The following TMCC2 variants were observed in gnomAD, a reference collection of about 807,000 sequenced individuals.
The protein encoded by TMCC2 is transmembrane and coiled-coil domains protein 2.
In TMCC2, 16 loss-of-function variants were observed where a neutral mutation model predicts 49.4. The observed-to-expected ratio is 0.32, with a 90% CI of 0.22 to 0.49. The LOEUF (loss-of-function observed/expected upper bound fraction) is 0.49. Among genes scored for constraint, TMCC2 ranks in the 20% least tolerant of loss-of-function variants. The pLI is 0.99. For missense variants in TMCC2, 762 were observed against 989.8 expected (o/e 0.77, Z 3.09); for synonymous variants, 397 against 434.1 (o/e 0.91, Z 1.06).
At chr1:205,258,258 C>A (rs887097219) in intron 2 of TMCC2, among the ~76,000 whole-genome samples, 1 of 151,988 alleles carries the variant, frequency 6.6e-6, no homozygotes, top group South Asian at 2.1e-4. Context: ...CCTGAAATCC[C>A]CTTGTAGTAG....
At chr1:205,244,722 AG>A (rs2102550914) in intron 2 of TMCC2, among the ~76,000 whole-genome samples, 1 of 152,262 alleles carries the variant, frequency 6.6e-6, no homozygotes, top group East Asian at 1.9e-4. Flanking sequence ...AGGGTGACAA[AG>A]GAGTTGGGGG....
At chr1:205,266,029 C>A (rs1661309251) in intron 2 of TMCC2, among the ~76,000 whole-genome samples, 1 of 138,114 alleles carries the variant, frequency 7.2e-6, no homozygotes, top group Non-Finnish European at 1.6e-5. Flanking sequence ...ATCATGAGGT[C>A]AGGAGATCGC....
intron 2 of TMCC2, among the ~76,000 whole-genome samples, chr1:205,249,415 AGGG>A (rs35485539): frequency 6.6e-6 from 1 of 152,198 alleles, no homozygotes; most frequent in East Asian, 1.9e-4. Flanking sequence ...GCAGCTGCCC[AGGG>A]GCCTTGGTTT....
In TMCC2 at chr1:205,272,999, A is replaced by G. The variant is rs1661658439; in HGVS notation, c.*875A>G. Reference sequence around the variant, plus strand: ...TCTGAAGCCAGGGCCCTTCCATTCCATTTAGCCTTTGGATCATCCTGGCTG... The same window carrying G: ...TCTGAAGCCAGGGCCCTTCCATTCCGTTTAGCCTTTGGATCATCCTGGCTG... On this transcript the variant is annotated 3_prime_UTR_variant, in exon 5 of 5. Coordinates refer to ENST00000358024, the MANE Select transcript of TMCC2 (RefSeq NM_014858.4). 1 of 152,034 alleles carries G rather than the reference A, an allele frequency of 6.6e-6. No homozygotes were observed. Among genetic ancestry groups the G allele is most frequent in the South Asian group, 2.1e-4 (1 of 4,808 alleles). The allele number at this position is 152,034 out of a possible 1,614,324, so 9.4% of individuals were successfully genotyped here.
intron 2 of TMCC2, among the ~76,000 whole-genome samples, chr1:205,254,632 G>A (rs1200186496): frequency 1.3e-5 from 2 of 152,172 alleles, no homozygotes; most frequent in Non-Finnish European, 2.9e-5. Context: ...TTCAGTTATT[G>A]TGCTGATGGG....
At chr1:205,236,411 G>A (rs534246963) in intron 1 of TMCC2, 4 of 152,228 alleles carry the variant, frequency 2.6e-5, no homozygotes, top group African/African-American at 9.6e-5. Context: ...CTTTGGAAAA[G>A]GTAGTCATCT....
At chr1:205,242,166 G>T (rs1660299287) in intron 2 of TMCC2, 122 bp downstream of exon 2, 3 of 1,117,566 alleles carry the variant, frequency 2.7e-6, no homozygotes, top group South Asian at 1.7e-5. Context: ...CCCACCGTCT[G>T]CAGAGTTATC....
chr1:205,272,035 A>C lies in TMCC2; in HGVS notation c.2041A>C (p.Thr681Pro). The C allele has an allele frequency of 6.2e-7, 1 of 1,614,120 alleles. No homozygotes were observed. Among genetic ancestry groups the C allele is most frequent in the Non-Finnish European group, 8.5e-7 (1 of 1,180,002 alleles). Residue 681 changes from threonine (T) to proline (P), a missense_variant, in exon 5 of 5, where the codon ACC (threonine) becomes CCC (proline). Physicochemically the swap from Thr to Pro is conservative, Grantham distance 38. Coordinates refer to ENST00000358024, the MANE Select transcript of TMCC2 (RefSeq NM_014858.4). ...GAAGACACGCCTGCGCATCACCAGC[A>C]CCACCCTCCTGGTCCTCGTCCTGTT... ...LMKTRLRITS[T>P]TLLVLVLFLL... is the part of the protein sequence containing the mutation.
chr1:205,256,197 A>C, intron 2 of TMCC2: 1 of 1,462,182 alleles, frequency 6.8e-7, no homozygotes, highest in Non-Finnish European at 9.0e-7. Flanking sequence ...TCCTCACCAG[A>C]CTCAAGTGGG....
chr1:205,235,037 G>A (rs1010523317), intron 1 of TMCC2, among the ~76,000 whole-genome samples: 1 of 152,164 alleles, frequency 6.6e-6, no homozygotes, highest in African/African-American at 2.4e-5. Context: ...GGGGAAGTGA[G>A]GTAGCAAGTG....
rs919314319 is a variant in TMCC2 at position 205,269,876 on chromosome 1, G to A, written c.1674G>A (p.Glu558=). 6.2e-7 allele frequency: 1 copy of A among 1,612,320 alleles called. No individual in the cohort carries two copies. The highest frequency in any genetic ancestry group is 1.3e-5 in the African/African-American group (1 of 75,016). ...ACATGACCCAGTGCCTGCAGGAGGA[G>A]CGCTACAGGTAGGTGCCTGCCCACC... ...YTYMTQCLQE[E]RYRYERLEEQ... The change falls in exon 3 of 5, where the codon GAG becomes GAA. Residue 558 remains glutamate, a synonymous_variant. Transcript: ENST00000358024.
At chr1:205,271,641 G>A (rs766757381) in intron 4 of TMCC2, among the ~76,000 whole-genome samples, 172 bp from the exon 5 acceptor site, 1 of 152,162 alleles carries the variant, frequency 6.6e-6, no homozygotes, top group Non-Finnish European at 1.5e-5. Context: ...CCTCCCCAAA[G>A]AGTCATCCTT....
chr1:205,241,711 G>A lies in TMCC2; in HGVS notation c.414G>A (p.Leu138=), dbSNP rs766574643. ...EMHRVSYAMS[L]HDLPARPTAF... ...ATCGCGTCTCCTACGCCATGTCCCT[G>A]CACGACCTGCCCGCCCGGCCCACCG... Residue 138 remains leucine (L), a synonymous_variant, in exon 2 of 5, where the codon CTG becomes CTA. Coordinates refer to ENST00000358024, the MANE Select transcript of TMCC2 (RefSeq NM_014858.4). The surrounding 1 kb of genome is among the most constrained non-coding windows in gnomAD (Gnocchi z 7.3). The A allele has an allele frequency of 6.2e-7, 1 of 1,613,530 alleles. No individual in the cohort carries two copies. Among genetic ancestry groups the A allele is most frequent in the South Asian group, 1.1e-5 (1 of 91,084 alleles).
intron 2 of TMCC2, among the ~76,000 whole-genome samples, chr1:205,247,623 A>C (rs1558648345): frequency 6.6e-6 from 1 of 152,200 alleles, no homozygotes. Context: ...TGTGAGAAGC[A>C]GTAGTGGTTC....
chr1:205,241,592 C>T lies in TMCC2; in HGVS notation c.295C>T (p.His99Tyr), dbSNP rs774535336. The change falls in exon 2 of 5, where the codon CAC becomes TAC. Residue 99 changes from histidine to tyrosine, a missense_variant. By Grantham distance (83) the His-to-Tyr change is moderately conservative. Transcript: ENST00000358024. This position sits in a 1 kb window ranked among gnomAD's most constrained non-coding sequence, Gnocchi z 7.3. Reference protein sequence around the residue: ...HSRRRSREREHQTSQDSQQHQ... With the variant: ...HSRRRSREREYQTSQDSQQHQ... ...CCGCCGTCGGTCTCGGGAAAGGGAG[C>T]ACCAGACGTCTCAGGATTCCCAGCA... 1.2e-6 allele frequency: 2 copies of T among 1,613,970 alleles called. No homozygotes were observed. Among genetic ancestry groups the T allele is most frequent in the South Asian group, 2.2e-5 (2 of 91,062 alleles).
At chr1:205,250,447 A>T (rs1471663122) in intron 2 of TMCC2, among the ~76,000 whole-genome samples, 1 of 152,150 alleles carries the variant, frequency 6.6e-6, no homozygotes, top group Non-Finnish European at 1.5e-5. Flanking sequence ...AGGCTGAGAC[A>T]GGAGAATCGC....
At chr1:205,247,489 C>T (rs748011) in intron 2 of TMCC2, among the ~76,000 whole-genome samples, 3,670 of 152,252 alleles carry the variant, frequency 0.024, 59 homozygotes, top group East Asian at 0.069. Context: ...CAGGAATGGG[C>T]GTGGCCCTGG....
chr1:205,258,465 C>T (rs1660967638), intron 2 of TMCC2, among the ~76,000 whole-genome samples: 1 of 152,130 alleles, frequency 6.6e-6, no homozygotes, highest in South Asian at 2.1e-4. Context: ...GCCGCTTAGG[C>T]TCCCAGGCAC....
intron 1 of TMCC2, among the ~76,000 whole-genome samples, chr1:205,235,681 A>G (rs1384198281): frequency 6.6e-6 from 1 of 152,224 alleles, no homozygotes; most frequent in Admixed American, 6.5e-5. Context: ...GACAGGGTCC[A>G]CCTTTGTCAG....
Sources: allele counts gnomAD v4.1 joint callset (sites outside exome capture counted in the v4.1 genomes callset), GRCh38; gene constraint gnomAD v4.1.1; non-coding constraint Gnocchi (gnomAD v3.1); transcripts MANE v1.5; gene names NCBI Gene and HGNC (gene_info 2026-07-23, HGNC 2026-07-21).